Variants in CSMD2 observed in about 807,000 individuals in gnomAD.
The protein encoded by CSMD2 is CUB and Sushi multiple domains 2.
A neutral mutation model predicts 398.5 loss-of-function variants in CSMD2; 130 were observed. The ratio of observed to expected loss-of-function variants is 0.33; its 90% CI spans 0.28 to 0.38. CSMD2 has a LOEUF of 0.38. Among genes scored for constraint, CSMD2 ranks in the 10% least tolerant of loss-of-function variants. The probability of loss-of-function intolerance (pLI) is 1.00; values close to 1 mark genes in which losing one functional copy is unlikely to be tolerated. For missense variants in CSMD2, 3,829 were observed against 4,764.9 expected (o/e 0.80, Z 5.78); for synonymous variants, 1,828 against 1,908.5 (o/e 0.96, Z 1.10).
intron 20 of CSMD2, among the ~76,000 whole-genome samples, chr1:33,715,702 G>T (rs544796027): frequency 1.3e-5 from 2 of 152,256 alleles, no homozygotes; most frequent in South Asian, 4.1e-4. Context: ...GTGGAGGGAG[G>T]TACTCTGGGG....
At chr1:33,759,897 T>G (rs1014640130) in intron 13 of CSMD2, among the ~76,000 whole-genome samples, 1 of 152,206 alleles carries the variant, frequency 6.6e-6, no homozygotes, top group Admixed American at 6.5e-5. Flanking sequence ...AGGGATATAT[T>G]GTCACCCTAC....
Position 33,710,260 on chromosome 1 carries a change from C to T in CSMD2, c.3407-1002G>A, listed in dbSNP as rs1301774139. Among the ~76,000 whole-genome samples, 46 of 152,124 alleles carry T rather than the reference C, an allele frequency of 3.0e-4. 1 individual carries two copies. Reference sequence around the variant, plus strand: ...TGTTCCTTCCTGTATCTGAGCACCTCCCATATTGCACCTTGATTGCTTGCT... The same window carrying T: ...TGTTCCTTCCTGTATCTGAGCACCTTCCATATTGCACCTTGATTGCTTGCT... On this transcript the variant is annotated intron_variant, in intron 21 of 70. Coordinates refer to ENST00000373381, the MANE Select transcript of CSMD2 (RefSeq NM_001281956.2).
At chr1:34,013,439 C>T (rs973542542) in intron 3 of CSMD2, among the ~76,000 whole-genome samples, 1 of 152,174 alleles carries the variant, frequency 6.6e-6, no homozygotes, top group Non-Finnish European at 1.5e-5. Context: ...TCTCCTGAGA[C>T]CCCAAATCCC....
In CSMD2 at chr1:33,698,871, A is replaced by G; in HGVS notation, c.3807T>C (p.Phe1269=). 1 of 1,614,238 alleles carries G rather than the reference A, an allele frequency of 6.2e-7. No individual in the cohort carries two copies. Among genetic ancestry groups the G allele is most frequent in the Non-Finnish European group, 8.5e-7 (1 of 1,180,036 alleles). ...FGYKVHDEGH[F]AGSSVSFSCD... is the part of the protein sequence containing the mutation. ...AGCTGAAGGACACGGAGCTCCCTGC[A>G]AAATGACCTTCATCATGAACCTTGT... Residue 1269 remains phenylalanine (F), a synonymous_variant, in exon 24 of 71, where the codon TTT becomes TTC. Coordinates refer to ENST00000373381, the MANE Select transcript of CSMD2 (RefSeq NM_001281956.2).
Position 33,635,981 on chromosome 1 carries a change from C to T in CSMD2, c.4969+379G>A, listed in dbSNP as rs532739814. ...ACCCACCTGGAATCAGCACACCCTG[C>T]GGGCCTTACTTCAACATATCTGATC... On this transcript the variant is annotated intron_variant, in intron 30 of 70. Coordinates refer to ENST00000373381, the MANE Select transcript of CSMD2 (RefSeq NM_001281956.2). The surrounding 1 kb of genome is among the most constrained non-coding windows in gnomAD (Gnocchi z 5.0). Among the ~76,000 whole-genome samples, 4 of 152,264 alleles carry T rather than the reference C, an allele frequency of 2.6e-5. No individual in the cohort carries two copies. Among genetic ancestry groups the T allele is most frequent in the East Asian group, 3.9e-4 (2 of 5,174 alleles).
At chr1:33,956,562 T>C (rs76805283) in intron 3 of CSMD2, among the ~76,000 whole-genome samples, 10,697 of 152,258 alleles carry the variant, frequency 0.07, 440 homozygotes, top group East Asian at 0.15. Context: ...GCTCTGAAGA[T>C]GGAATCTCTA....
chr1:34,116,721 C>A (rs79554849), intron 1 of CSMD2, among the ~76,000 whole-genome samples: 1 of 152,026 alleles, frequency 6.6e-6, no homozygotes, highest in Non-Finnish European at 1.5e-5. Flanking sequence ...AAACATTCTT[C>A]AAGACAGATC....
At chr1:34,124,520 C>G (rs1662540908) in intron 1 of CSMD2, among the ~76,000 whole-genome samples, 1 of 152,172 alleles carries the variant, frequency 6.6e-6, no homozygotes, top group South Asian at 2.1e-4. Context: ...ACCCTGCCTC[C>G]TGGTGCACAC....
intron 3 of CSMD2, among the ~76,000 whole-genome samples, chr1:33,941,702 A>T (rs1405442824): frequency 2.6e-5 from 4 of 152,212 alleles, no homozygotes; most frequent in Admixed American, 2.6e-4. Context: ...CCTTTTAAAC[A>T]TAATTCATAG....
rs375149501 is a variant in CSMD2 at position 34,032,583 on chromosome 1, G to C, written c.517+11C>G. The C allele has an allele frequency of 4.5e-6, 7 of 1,547,498 alleles. No homozygotes were observed. The African/African-American group carries it at 8.2e-5, about 18-fold the overall frequency. On this transcript the variant is annotated intron_variant, in intron 3 of 70. Coordinates refer to ENST00000373381, the MANE Select transcript of CSMD2 (RefSeq NM_001281956.2). ...TCTCCGGCTCCTGTGGCCGATGAGG[G>C]AGGCACTTACCTTCATAGGTGGCGT...
chr1:34,153,664 T>C (rs1262540125), intron 1 of CSMD2, among the ~76,000 whole-genome samples: 2 of 152,222 alleles, frequency 1.3e-5, no homozygotes, highest in Admixed American at 6.5e-5. Flanking sequence ...ATCCATTAAA[T>C]TGTACTTTAA....
chr1:34,021,978 TC>T (rs1648951901), intron 3 of CSMD2, among the ~76,000 whole-genome samples: 1 of 152,216 alleles, frequency 6.6e-6, no homozygotes, highest in Non-Finnish European at 1.5e-5. Flanking sequence ...AGCATTTTTT[TC>T]TTTCTTAATG....
At chr1:34,145,780 CTT>C (rs1190616896) in intron 1 of CSMD2, among the ~76,000 whole-genome samples, 1 of 152,148 alleles carries the variant, frequency 6.6e-6, no homozygotes, top group Admixed American at 6.5e-5. Context: ...GGGGGACCTC[CTT>C]TCTGCCCAGG....
chr1:34,091,182 G>T (rs778162005), intron 1 of CSMD2, among the ~76,000 whole-genome samples: 1 of 152,158 alleles, frequency 6.6e-6, no homozygotes, highest in Non-Finnish European at 1.5e-5. Context: ...CTTCTCACCA[G>T]GCTGAATGCT....
At chr1:33,968,624 C>T (rs1438479386) in intron 3 of CSMD2, among the ~76,000 whole-genome samples, 1 of 152,184 alleles carries the variant, frequency 6.6e-6, no homozygotes, top group African/African-American at 2.4e-5. Flanking sequence ...GTGGCCTCCA[C>T]CTGACATCCA....
chr1:33,964,153 G>A (rs1339994215), intron 3 of CSMD2, among the ~76,000 whole-genome samples: 1 of 152,174 alleles, frequency 6.6e-6, no homozygotes, highest in Non-Finnish European at 1.5e-5. Flanking sequence ...GATTGAAGTG[G>A]TGCCATGGAG....
At chr1:33,873,342 C>T (rs1406810428) in intron 5 of CSMD2, among the ~76,000 whole-genome samples, 3 of 152,182 alleles carry the variant, frequency 2.0e-5, no homozygotes, top group Non-Finnish European at 4.4e-5. Flanking sequence ...TCAGAAATGA[C>T]TCTAAATTTC....
At position 34,089,017 on chromosome 1, in the gene CSMD2, C is replaced by A. The variant is rs1658240912; in HGVS notation, c.364G>T (p.Val122Leu). Reference protein sequence around the residue: ...ALEEDFDVLSVFDGPPQPENL... With the variant: ...ALEEDFDVLSLFDGPPQPENL... Reference sequence around the variant, plus strand: ...TCTGGCTGGGGTGGACCATCAAACACCGACAGGACATCAAAGTCCTCTTCC... The same window carrying A: ...TCTGGCTGGGGTGGACCATCAAACAACGACAGGACATCAAAGTCCTCTTCC... Residue 122 changes from valine to leucine, a missense_variant, in exon 2 of 71, where the codon GTG becomes TTG. This residue lies in a region of CSMD2 where 184 missense variants were observed against 217.7 expected (regional missense o/e 0.85). Coordinates refer to ENST00000373381, the MANE Select transcript of CSMD2 (RefSeq NM_001281956.2). 1.2e-6 allele frequency: 2 copies of A among 1,614,098 alleles called. No homozygotes were observed. The highest frequency in any genetic ancestry group is 1.7e-5 in the Admixed American group (1 of 60,018).
At chr1:34,122,437 C>T (rs1453309751) in intron 1 of CSMD2, among the ~76,000 whole-genome samples, 1 of 152,070 alleles carries the variant, frequency 6.6e-6, no homozygotes, top group Non-Finnish European at 1.5e-5. Flanking sequence ...GTATCCAGAA[C>T]CTCTGTCTTT....
Sources: allele counts gnomAD v4.1 joint callset (sites outside exome capture counted in the v4.1 genomes callset), GRCh38; gene constraint gnomAD v4.1.1; regional missense constraint gnomAD v4.1.1; non-coding constraint Gnocchi (gnomAD v3.1); transcripts MANE v1.5; gene names NCBI Gene and HGNC (gene_info 2026-07-23, HGNC 2026-07-21).